The following KCNT1 variants were observed in gnomAD, a reference collection of about 807,000 sequenced individuals.
The protein encoded by KCNT1 is potassium sodium-activated channel subfamily T member 1.
Under a neutral mutation model 147.8 loss-of-function variants are expected in KCNT1, and 78 were observed. That is an observed-to-expected ratio of 0.53 (90% CI 0.44 to 0.64). The LOEUF (loss-of-function observed/expected upper bound fraction) is 0.64. Ranked by LOEUF, KCNT1 falls within the 30% of genes least tolerant of loss-of-function variation. The pLI, the probability that KCNT1 is intolerant of heterozygous loss-of-function variation, is 0.00. For synonymous variants in KCNT1, 867 were observed against 748.8 expected (o/e 1.16, Z -2.58); for missense variants, 1,419 against 1,750.3 (o/e 0.81, Z 3.38).
At position 135,778,470 on chromosome 9, in the gene KCNT1, T is replaced by G; in HGVS notation, c.2569T>G (p.Tyr857Asp). 1 of 1,558,646 alleles carries G rather than the reference T, an allele frequency of 6.4e-7. No homozygotes were observed. Among genetic ancestry groups the G allele is most frequent in the Non-Finnish European group, 8.7e-7 (1 of 1,150,976 alleles). ...AGCCATCTGCTGCTTCCCCATGGTC[T>G]ACTACATGGAGGGCTCTGTGGACAA... ...LEAICCFPMVYYMEGSVDNLD... is the reference protein window; with the variant it reads ...LEAICCFPMVDYMEGSVDNLD... Residue 857 changes from tyrosine to aspartate, a missense_variant, in exon 22 of 31, where the codon TAC (tyrosine) becomes GAC (aspartate). Transcript: ENST00000371757.
rs1160956746 is a variant in KCNT1 at position 135,793,232 on chromosome 9, T to G, written c.*1071T>G. The G allele has an allele frequency of 6.6e-6, 1 of 151,794 alleles. No individual in the cohort carries two copies. Among genetic ancestry groups the G allele is most frequent in the East Asian group, 1.9e-4 (1 of 5,176 alleles). 9.4% of individuals were successfully genotyped at this position (151,794 alleles called of 1,614,324 possible). On this transcript the variant is annotated 3_prime_UTR_variant, in exon 31 of 31. Coordinates refer to ENST00000371757, the MANE Select transcript of KCNT1 (RefSeq NM_020822.3). ...TAAGGGTTACAAACACCTGCTGGGGTCCCCACCCCAACCCCATAGGCAAGC... is the reference window on the plus strand; with the variant it reads ...TAAGGGTTACAAACACCTGCTGGGGGCCCCACCCCAACCCCATAGGCAAGC...
intron 7 of KCNT1, 63 bp from the exon 8 acceptor site, chr9:135,757,093 T>G (rs1032842140): frequency 1.8e-5 from 6 of 326,336 alleles, no homozygotes; most frequent in Non-Finnish European, 2.7e-5. Flanking sequence ...ACCCTGCCCC[T>G]CCCCTGCTGG....
At chr9:135,759,543 G>A (rs1423454704) in intron 10 of KCNT1, 136 bp from the exon 11 acceptor site, 5 of 882,038 alleles carry the variant, frequency 5.7e-6, no homozygotes, top group Non-Finnish European at 7.9e-6. Context: ...CAGCTGTCAG[G>A]AGGGCGGGGC....
chr9:135,729,857 A>G (rs1357420436), intron 2 of KCNT1, among the ~76,000 whole-genome samples: 1 of 152,056 alleles, frequency 6.6e-6, no homozygotes, highest in Admixed American at 6.5e-5. Context: ...GGCCTGATGG[A>G]CCTGCTGGGG....
At chr9:135,780,880 G>A (rs996699081) in intron 24 of KCNT1, among the ~76,000 whole-genome samples, 2 of 152,232 alleles carry the variant, frequency 1.3e-5, no homozygotes, top group African/African-American at 4.8e-5. Flanking sequence ...GTGTGGACAG[G>A]GATGCTGCCG....
Position 135,769,966 on chromosome 9 carries a change from G to A in KCNT1, c.1530G>A (p.Glu510=), listed in dbSNP as rs765086659. The change falls in exon 16 of 31, where the codon GAG becomes GAA. Residue 510 remains glutamate (E), a synonymous_variant. Coordinates refer to ENST00000371757, the MANE Select transcript of KCNT1 (RefSeq NM_020822.3). ...VKFADHVVCE[E]ECKYAMLALN... ...CCGCAGACCACGTGGTGTGTGAGGA[G>A]GAGTGCAAGTACGCCATGCTGGCGC... 1.8e-5 allele frequency: 28 copies of A among 1,553,542 alleles called. No individual in the cohort carries two copies. The highest frequency in any genetic ancestry group is 2.4e-5 in the Non-Finnish European group (28 of 1,148,732).
chr9:135,737,609 G>A (rs914697170), intron 2 of KCNT1, among the ~76,000 whole-genome samples: 2 of 152,084 alleles, frequency 1.3e-5, no homozygotes, highest in Non-Finnish European at 2.9e-5. Context: ...TGGTCCTTCC[G>A]GGACAAGCAT....
chr9:135,776,332 A>G (rs987533778), intron 20 of KCNT1, among the ~76,000 whole-genome samples: 2 of 152,054 alleles, frequency 1.3e-5, no homozygotes, highest in African/African-American at 2.4e-5. Flanking sequence ...ATCATAGCTC[A>G]CTACAGCCTC....
intron 18 of KCNT1, 73 bp downstream of exon 18, chr9:135,771,168 G>T (rs965792498): frequency 5.8e-6 from 8 of 1,383,378 alleles, no homozygotes; most frequent in Non-Finnish European, 7.9e-6. Flanking sequence ...ACACCGGCAG[G>T]TGACCAGGTG....
chr9:135,788,616 G>A (rs1164050742), intron 29 of KCNT1, among the ~76,000 whole-genome samples: 2 of 152,200 alleles, frequency 1.3e-5, no homozygotes, highest in Non-Finnish European at 2.9e-5. Context: ...CCAGGGCCCC[G>A]GGAGGAGCTC....
intron 20 of KCNT1, among the ~76,000 whole-genome samples, chr9:135,776,286 C>A (rs1036870406): frequency 6.6e-6 from 1 of 151,920 alleles, no homozygotes; most frequent in Non-Finnish European, 1.5e-5. Flanking sequence ...AAGACGGGGT[C>A]CCACTCTGTC....
In KCNT1 at chr9:135,769,936, A is replaced by T. The variant is rs2131504578; in HGVS notation, c.1511-11A>T. On this transcript the variant is annotated splice_polypyrimidine_tract_variant and intron_variant, in intron 15 of 30. Coordinates refer to ENST00000371757, the MANE Select transcript of KCNT1 (RefSeq NM_020822.3). The stretch of plus-strand genomic sequence containing the variant: ...AGCGGCAGGTGGACCGGCCTCCCCC[A>T]CTGCCCGCAGACCACGTGGTGTGTG... 4 of 1,544,554 alleles carry T rather than the reference A, an allele frequency of 2.6e-6. No homozygotes were observed. The highest frequency in any genetic ancestry group is 3.5e-6 in the Non-Finnish European group (4 of 1,142,736).
intron 17 of KCNT1, 144 bp downstream of exon 17, chr9:135,770,591 C>T (rs759546050): frequency 5.4e-5 from 59 of 1,102,466 alleles, no homozygotes; most frequent in South Asian, 6.4e-5. Flanking sequence ...TCCTGCCTGG[C>T]GAGGGCAGCC....
At chr9:135,746,015 T>G (rs1297105736) in intron 2 of KCNT1, among the ~76,000 whole-genome samples, 1 of 152,188 alleles carries the variant, frequency 6.6e-6, no homozygotes, top group Non-Finnish European at 1.5e-5. Context: ...ACAGGCTCCC[T>G]CCCCAGGTGC....
intron 2 of KCNT1, among the ~76,000 whole-genome samples, chr9:135,727,239 CT>C (rs1836240934): frequency 7.4e-5 from 8 of 108,748 alleles, no homozygotes; most frequent in South Asian, 4.1e-4. Context: ...CCCATTCTCT[CT>C]CCCCCTCTCT....
At chr9:135,778,905 G>A (rs1288957226) in intron 23 of KCNT1, 83 bp downstream of exon 23, 17 of 1,493,452 alleles carry the variant, frequency 1.1e-5, no homozygotes, top group South Asian at 6.2e-5. Flanking sequence ...CCACAGCCAC[G>A]ACCACGGGCC....
In KCNT1 at chr9:135,734,256, G is replaced by T. The variant is rs142049946; in HGVS notation, c.255-15842G>T. On this transcript the variant is annotated intron_variant, in intron 2 of 30. Transcript: ENST00000371757. ...GTGCTGGGGACACCTCAAGGCTCAC[G>T]TGGCTCTGTGGACCCCGAGCCTGGG... Among the ~76,000 whole-genome samples, 632 of 152,288 alleles carry T rather than the reference G, an allele frequency of 4.2e-3. 6 individuals are homozygous for T. Among genetic ancestry groups the T allele is most frequent in the African/African-American group, 0.014 (567 of 41,546 alleles).
intron 2 of KCNT1, among the ~76,000 whole-genome samples, chr9:135,735,942 G>A (rs1392669163): frequency 6.6e-6 from 1 of 152,210 alleles, no homozygotes; most frequent in African/African-American, 2.4e-5. Context: ...GGAAGGGAAC[G>A]GTTACAAAAG....
Position 135,708,488 on chromosome 9 carries a change from G to T in KCNT1, c.111-6089G>T, listed in dbSNP as rs1479503023. ...AGCTCCTGGAAATTTTGAACTGAGT[G>T]TGAACAAGAATGTATTTTAGGAGAG... is the stretch of plus-strand genomic sequence containing the variant. On this transcript the variant is annotated intron_variant, in intron 1 of 30. Transcript: ENST00000371757. Among the ~76,000 whole-genome samples, 4 of 152,222 alleles carry T rather than the reference G, an allele frequency of 2.6e-5. No homozygotes were observed. In the East Asian group the frequency reaches 7.7e-4, roughly 29 times the overall value.
Sources: gnomAD v4.1 joint callset for allele counts (sites outside exome capture counted in the v4.1 genomes callset) on GRCh38, gnomAD v4.1.1 for gene constraint, MANE v1.5 for transcripts, NCBI Gene and HGNC (gene_info 2026-07-23, HGNC 2026-07-21) for gene names.